The following IQSEC1 variants were observed in gnomAD, a reference collection of about 807,000 sequenced individuals.
The protein encoded by IQSEC1 is IQ motif and Sec7 domain ArfGEF 1, also known as IQ motif and SEC7 domain-containing protein 1.
IQSEC1 carries 31 observed loss-of-function variants against 91.0 expected under a neutral mutation model. That is an observed-to-expected ratio of 0.34 (90% CI 0.26 to 0.46). IQSEC1 has a LOEUF of 0.46. Among genes scored for constraint, IQSEC1 ranks in the 20% least tolerant of loss-of-function variants. The pLI is 1.00. For missense variants in IQSEC1, 1,388 were observed against 1,575.6 expected, an observed-to-expected ratio of 0.88 and a Z score of 2.02; for synonymous variants, 699 against 662.6, an observed-to-expected ratio of 1.05 and a Z score of -0.84.
At chr3:13,073,559 G>A (rs499603), upstream of IQSEC1, among the ~76,000 whole-genome samples, 1 of 152,034 alleles carries the variant, frequency 6.6e-6, no homozygotes, top group Non-Finnish European at 1.5e-5. Context: ...GCGGCCGCTC[G>A]GCTGCGCCCT....
chr3:13,166,311 TC>T (rs1693495246), intron 1 of IQSEC1, among the ~76,000 whole-genome samples: 1 of 149,570 alleles, frequency 6.7e-6, no homozygotes. Context: ...TCTCTTAGGA[TC>T]TATCTGCCTC....
intron 2 of IQSEC1, among the ~76,000 whole-genome samples, chr3:13,162,018 G>A (rs1439224076): frequency 6.6e-6 from 1 of 152,152 alleles, no homozygotes; most frequent in African/African-American, 2.4e-5. Flanking sequence ...GTTCCACAGC[G>A]CCTGCCTGGC....
rs148945261 is a variant in IQSEC1, at chr3:13,104,850, G to A, written c.303-57328C>T. Among the ~76,000 whole-genome samples, 117 of 152,304 alleles carry A rather than the reference G, an allele frequency of 7.7e-4. 1 individual carries two copies. The highest frequency in any genetic ancestry group is 2.6e-3 in the African/African-American group (108 of 41,560). On this transcript the variant is annotated intron_variant, in intron 2 of 15. Coordinates refer to the IQSEC1 transcript ENST00000648114. ...TTGGTCGGGGGGTGAAACAAGCAGC[G>A]TGTGCTGCGGCAGGACCAGGATGAA...
chr3:12,975,991 G>C (rs1701149225), intron 1 of IQSEC1, among the ~76,000 whole-genome samples: 4 of 152,202 alleles, frequency 2.6e-5, no homozygotes, highest in Admixed American at 2.6e-4. Flanking sequence ...CTCCCTTCTT[G>C]GCTGTATAGC....
chr3:12,931,594 G>A (rs1290268924), intron 3 of IQSEC1, among the ~76,000 whole-genome samples: 1 of 152,234 alleles, frequency 6.6e-6, no homozygotes. Flanking sequence ...AAGGAGCACA[G>A]AGCTGGAGCA....
chr3:13,035,080 G>A (rs551217498), intron 1 of IQSEC1, among the ~76,000 whole-genome samples: 1 of 152,354 alleles, frequency 6.6e-6, no homozygotes, highest in South Asian at 2.1e-4. Flanking sequence ...AACTTGGCCA[G>A]TGAAACTCTC....
At position 12,961,529 on chromosome 3, in the gene IQSEC1, T is replaced by C. The variant is rs140591517; in HGVS notation, c.24-19664A>G. On this transcript the variant is annotated intron_variant, in intron 1 of 13. Transcript: ENST00000613206. ...GTCACTTCTTACTGTGTCTGCCATCTGTCATACCACCAACAGCCTGCAGCC... is the reference window on the plus strand; with the variant it reads ...GTCACTTCTTACTGTGTCTGCCATCCGTCATACCACCAACAGCCTGCAGCC... Among the ~76,000 whole-genome samples the C allele has an allele frequency of 5.7e-3, 862 of 152,368 alleles. 7 individuals are homozygous for C. Among genetic ancestry groups the C allele is most frequent in the African/African-American group, 0.02 (819 of 41,588 alleles).
Position 12,908,525 on chromosome 3 carries a change from G to A in IQSEC1, c.2579C>T (p.Ser860Leu), listed in dbSNP as rs748587727. The stretch of plus-strand genomic sequence containing the variant: ...GACGCCTTTCTGCTTCTCGAGCTCC[G>A]CTGGAACAGAGAGGGTGAGGGTCCT... ...VQEMEKHRIE[S>L]ELEKQKGVVR... Residue 860 changes from serine (S) to leucine (L), a missense_variant and splice_region_variant, in exon 12 of 14, where the codon TCG becomes TTG. This residue lies in a region of IQSEC1 where 1,059 missense variants were observed against 1,317.8 expected (regional missense o/e 0.80). Coordinates refer to ENST00000613206, the MANE Select transcript of IQSEC1 (RefSeq NM_001134382.3). The surrounding 1 kb of genome is among the most constrained non-coding windows in gnomAD (Gnocchi z 4.9). The A allele has an allele frequency of 3.8e-5, 61 of 1,613,418 alleles. No homozygotes were observed. Among genetic ancestry groups the A allele is most frequent in the African/African-American group, 5.3e-5 (4 of 74,908 alleles).
At position 13,154,442 on chromosome 3, in the gene IQSEC1, T is replaced by TATAC. The variant is rs1559265474; in HGVS notation, c.302+9661_302+9662insGTAT. ...CAGGAAGCTGGAACTTACATGCATA[T>TATAC]ATATATATATATATATATATATATA... is the stretch of plus-strand genomic sequence containing the variant. On this transcript the variant is annotated intron_variant, in intron 2 of 15. Transcript: ENST00000648114. Among the ~76,000 whole-genome samples the TATAC allele has an allele frequency of 1.1e-3, 87 of 82,080 alleles. 10 individuals are homozygous for TATAC. Among genetic ancestry groups the TATAC allele is most frequent in the East Asian group, 1.3e-3 (3 of 2,376 alleles). 53.8% of individuals were successfully genotyped at this position (82,080 alleles called of 152,430 possible). A position where few individuals can be genotyped will look rare whatever the true frequency, so the allele number is the denominator to read the frequency against.
chr3:12,977,532 A>G (rs1468831053), intron 1 of IQSEC1, among the ~76,000 whole-genome samples: 2 of 152,234 alleles, frequency 1.3e-5, no homozygotes, highest in East Asian at 3.8e-4. Context: ...CCTCCTTCAG[A>G]ACATCTCACC....
intron 2 of IQSEC1, among the ~76,000 whole-genome samples, chr3:13,133,888 C>G (rs1221271412): frequency 2.6e-5 from 4 of 152,178 alleles, no homozygotes; most frequent in African/African-American, 9.7e-5. Flanking sequence ...TTCCCCACCA[C>G]CGGGCCTGCA....
At chr3:12,905,755 T>TG (rs893059355) in intron 12 of IQSEC1, among the ~76,000 whole-genome samples, 1 of 152,236 alleles carries the variant, frequency 6.6e-6, no homozygotes, top group African/African-American at 2.4e-5. Context: ...TAACGGGACA[T>TG]GGAGACTGCT....
intron 1 of IQSEC1, among the ~76,000 whole-genome samples, chr3:12,980,482 T>G (rs967628421): frequency 3.9e-5 from 6 of 152,256 alleles, no homozygotes; most frequent in African/African-American, 1.4e-4. Context: ...TAAATAACTG[T>G]AATTTATGTG....
chr3:13,238,008 A>T (rs1191911894), intron 1 of IQSEC1, among the ~76,000 whole-genome samples: 1 of 152,172 alleles, frequency 6.6e-6, no homozygotes, highest in Non-Finnish European at 1.5e-5. Flanking sequence ...TACTCTCCCC[A>T]CCAGGGTACA....
chr3:13,162,278 G>A (rs535479374), intron 2 of IQSEC1, among the ~76,000 whole-genome samples: 5 of 152,320 alleles, frequency 3.3e-5, no homozygotes, highest in African/African-American at 1.2e-4. Flanking sequence ...ACCTTGGGGG[G>A]ATTGGGGGAA....
At chr3:13,098,175 T>TATG (rs1380616557) in intron 2 of IQSEC1, among the ~76,000 whole-genome samples, 1 of 152,236 alleles carries the variant, frequency 6.6e-6, no homozygotes, top group Non-Finnish European at 1.5e-5. Context: ...ATTGAGCAAC[T>TATG]ATGATGTGCA....
chr3:13,274,993 G>A (rs546841409), intron 1 of IQSEC1, among the ~76,000 whole-genome samples: 23 of 152,328 alleles, frequency 1.5e-4, no homozygotes, highest in African/African-American at 4.6e-4. Context: ...GCAGCCCAGC[G>A]TGGTGGTGAA....
chr3:12,965,774 G>T (rs111308388), intron 1 of IQSEC1, among the ~76,000 whole-genome samples: 1,524 of 152,306 alleles, frequency 0.01, 24 homozygotes, highest in South Asian at 0.075. Context: ...GGTCCTAATG[G>T]AGGGGCAGAA....
In IQSEC1 at chr3:13,174,329, A is replaced by G. The variant is rs59512998; in HGVS notation, c.273-10196T>C. On this transcript the variant is annotated intron_variant, in intron 1 of 15. Coordinates refer to the IQSEC1 transcript ENST00000648114. ...AGGCTGCACTGCCCCGGGAGTCCAC[A>G]TTGGCTGCAGACCAAACTCACGTGG... 3.9e-3 allele frequency among the ~76,000 whole-genome samples: 595 copies of G among 152,236 alleles called. 6 individuals carry two copies. The highest frequency in any genetic ancestry group is 0.014 in the African/African-American group (573 of 41,540).
Sources: gnomAD v4.1 joint callset for allele counts (sites outside exome capture counted in the v4.1 genomes callset) on GRCh38, gnomAD v4.1.1 for gene constraint, gnomAD v4.1.1 regional missense constraint, Gnocchi (gnomAD v3.1) non-coding constraint, MANE v1.5 for transcripts, NCBI Gene and HGNC (gene_info 2026-07-23, HGNC 2026-07-21) for gene names.